The following DENND1A variants were observed in gnomAD, a reference collection of about 807,000 sequenced individuals.
The protein encoded by DENND1A is DENN domain-containing protein 1A.
Under a neutral mutation model 113.7 loss-of-function variants are expected in DENND1A, and 51 were observed. The observed-to-expected ratio is 0.45, with a 90% confidence interval of 0.36 to 0.57. The LOEUF (loss-of-function observed/expected upper bound fraction) is 0.57. Among genes scored for constraint, DENND1A ranks in the 20% least tolerant of loss-of-function variants. The pLI is 0.00. For missense variants in DENND1A, 1,258 were observed against 1,395.9 expected, an observed-to-expected ratio of 0.90 and a Z score of 1.57; for synonymous variants, 565 against 570.8, an observed-to-expected ratio of 0.99 and a Z score of 0.14.
chr9:123,846,669 T>C (rs571327694), intron 2 of DENND1A, among the ~76,000 whole-genome samples: 1 of 151,852 alleles, frequency 6.6e-6, no homozygotes, highest in African/African-American at 2.4e-5. Context: ...AGACAGAAAA[T>C]AGGATAGAGG....
chr9:123,505,856 C>T (rs2052881137), intron 13 of DENND1A, among the ~76,000 whole-genome samples: 1 of 152,150 alleles, frequency 6.6e-6, no homozygotes. Flanking sequence ...CTCGGATGGC[C>T]TTGGGTCAGA....
At chr9:123,818,519 T>TATACAC (rs1491437296) in intron 2 of DENND1A, among the ~76,000 whole-genome samples, 12 of 112,240 alleles carry the variant, frequency 1.1e-4, no homozygotes, top group African/African-American at 3.6e-4. Flanking sequence ...TACATACATA[T>TATACAC]ACACACACAC....
At chr9:123,875,134 G>A (rs1025851660) in intron 2 of DENND1A, among the ~76,000 whole-genome samples, 9 of 152,178 alleles carry the variant, frequency 5.9e-5, no homozygotes, top group African/African-American at 2.2e-4. Flanking sequence ...GCTACATACA[G>A]AATAATTCCA....
chr9:123,759,361 A>G (rs183688944), intron 4 of DENND1A: 7 of 152,416 alleles, frequency 4.6e-5, no homozygotes, highest in Admixed American at 3.9e-4. Context: ...CTTTGTCAAG[A>G]TGGACTAGAA....
At chr9:123,495,331 G>C (rs1034450471) in intron 13 of DENND1A, among the ~76,000 whole-genome samples, 1 of 152,134 alleles carries the variant, frequency 6.6e-6, no homozygotes, top group Non-Finnish European at 1.5e-5. Context: ...TGAGAGCTGG[G>C]AATAGCTCTG....
intron 5 of DENND1A, among the ~76,000 whole-genome samples, chr9:123,693,006 T>C (rs978604987): frequency 2.0e-5 from 3 of 152,236 alleles, no homozygotes; most frequent in Admixed American, 2.0e-4. Flanking sequence ...TGGTCAAGAT[T>C]TGAAGTATGG....
At chr9:123,876,967 T>C (rs1322652809) in intron 2 of DENND1A, among the ~76,000 whole-genome samples, 1 of 152,132 alleles carries the variant, frequency 6.6e-6, no homozygotes, top group Non-Finnish European at 1.5e-5. Flanking sequence ...ATACAGCATG[T>C]TCTCACCTAT....
intron 3 of DENND1A, among the ~76,000 whole-genome samples, chr9:123,783,896 T>C (rs940042053): frequency 2.0e-5 from 3 of 152,208 alleles, no homozygotes; most frequent in Admixed American, 1.3e-4. Flanking sequence ...GACACAGATA[T>C]ACAAGCAAGA....
chr9:123,835,107 A>AG (rs1484951862), intron 2 of DENND1A, among the ~76,000 whole-genome samples: 2 of 148,924 alleles, frequency 1.3e-5, no homozygotes, highest in Admixed American at 6.7e-5. Context: ...CTTGCTTTAG[A>AG]GGGGAAAAAA....
At chr9:123,538,331 CAT>C (rs1262743443) in intron 13 of DENND1A, among the ~76,000 whole-genome samples, 1 of 152,128 alleles carries the variant, frequency 6.6e-6, no homozygotes, top group Non-Finnish European at 1.5e-5. Flanking sequence ...CGTACATAAG[CAT>C]ATGTTTCCTA....
intron 1 of DENND1A, among the ~76,000 whole-genome samples, chr9:123,915,923 C>T (rs1427792619): frequency 1.3e-5 from 2 of 152,144 alleles, no homozygotes; most frequent in African/African-American, 4.8e-5. Flanking sequence ...TGACAACAAG[C>T]ATTCTCGTGT....
At chr9:123,676,406 T>G (rs1340031779) in intron 6 of DENND1A, among the ~76,000 whole-genome samples, 1 of 152,154 alleles carries the variant, frequency 6.6e-6, no homozygotes, top group Non-Finnish European at 1.5e-5. Flanking sequence ...GTCACAAACT[T>G]TCCGGGCTGC....
At chr9:123,903,815 A>C (rs1191307296) in intron 1 of DENND1A, among the ~76,000 whole-genome samples, 2 of 152,186 alleles carry the variant, frequency 1.3e-5, no homozygotes, top group Non-Finnish European at 2.9e-5. Flanking sequence ...GCCATTGCCC[A>C]GGCTTGCTTA....
intron 19 of DENND1A, among the ~76,000 whole-genome samples, chr9:123,433,202 C>T (rs1278154370): frequency 1.3e-5 from 2 of 152,194 alleles, no homozygotes; most frequent in Admixed American, 6.5e-5. Flanking sequence ...GATGTGGAAA[C>T]GGAATTTCAC....
At chr9:123,738,441 T>TTGTGTGTGTGTGTG (rs760641686) in intron 5 of DENND1A, among the ~76,000 whole-genome samples, 128 of 123,440 alleles carry the variant, frequency 1.0e-3, no homozygotes, top group Non-Finnish European at 1.6e-3. Flanking sequence ...TGTCAACAGC[T>TTGTGTGTGTGTGTG]TCTGTGTGTG....
intron 21 of DENND1A, among the ~76,000 whole-genome samples, chr9:123,390,748 C>T (rs752054280): frequency 6.6e-6 from 1 of 152,236 alleles, no homozygotes; most frequent in Admixed American, 6.5e-5. Context: ...CCCCAGGGGC[C>T]TCACCCTCTC....
At chr9:123,423,559 G>A (rs1398146572) in intron 19 of DENND1A, among the ~76,000 whole-genome samples, 1 of 152,132 alleles carries the variant, frequency 6.6e-6, no homozygotes, top group Admixed American at 6.6e-5. Context: ...TCCCTTCGGC[G>A]GTCATTTCTA....
chr9:123,905,602 G>C (rs1852651572), intron 1 of DENND1A, among the ~76,000 whole-genome samples: 1 of 144,004 alleles, frequency 6.9e-6, no homozygotes, highest in South Asian at 2.3e-4. Context: ...GATCAAAAGA[G>C]ACAAAGAAGG....
intron 2 of DENND1A, among the ~76,000 whole-genome samples, chr9:123,808,473 T>C (rs1450246484): frequency 6.6e-6 from 1 of 151,660 alleles, no homozygotes; most frequent in East Asian, 1.9e-4. Context: ...CTCAAACTCC[T>C]GGGCTCAAAT....
Sources: gnomAD v4.1 joint callset for allele counts (sites outside exome capture counted in the v4.1 genomes callset) on GRCh38, gnomAD v4.1.1 for gene constraint, MANE v1.5 for transcripts, NCBI Gene and HGNC (gene_info 2026-07-23, HGNC 2026-07-21) for gene names.